The following VSNL1 variants were observed in gnomAD, a reference collection of about 807,000 sequenced individuals.
VSNL1 encodes visinin-like protein 1.
VSNL1 carries 6 observed loss-of-function variants against 20.4 expected under a neutral mutation model. The ratio of observed to expected loss-of-function variants is 0.29; its 90% CI spans 0.16 to 0.58. The LOEUF is 0.58. Among genes scored for constraint, VSNL1 ranks in the 20% least tolerant of loss-of-function variants. The pLI is 0.90. For missense variants in VSNL1, 100 were observed against 234.5 expected, an observed-to-expected ratio of 0.43 and a Z score of 3.75; for synonymous variants, 93 against 86.4, an observed-to-expected ratio of 1.08 and a Z score of -0.42.
intron 2 of VSNL1, among the ~76,000 whole-genome samples, chr2:17,642,926 G>A (rs763372242): frequency 6.6e-6 from 1 of 151,982 alleles, no homozygotes; most frequent in Non-Finnish European, 1.5e-5. Flanking sequence ...AGTGATGATA[G>A]AAAATGGAAG....
chr2:17,646,336 G>C (rs1665995618), intron 2 of VSNL1, among the ~76,000 whole-genome samples: 1 of 152,210 alleles, frequency 6.6e-6, no homozygotes, highest in South Asian at 2.1e-4. Flanking sequence ...CAACACATTT[G>C]GTTGCTTCAT....
At chr2:17,557,090 G>A (rs1663701010) in intron 1 of VSNL1, among the ~76,000 whole-genome samples, 1 of 151,934 alleles carries the variant, frequency 6.6e-6, no homozygotes, top group Non-Finnish European at 1.5e-5. Context: ...CAAGGACTCT[G>A]CCAAGCGCTT....
chr2:17,568,953 G>A (rs1664018768), intron 1 of VSNL1, among the ~76,000 whole-genome samples: 1 of 152,074 alleles, frequency 6.6e-6, no homozygotes, highest in East Asian at 1.9e-4. Flanking sequence ...CTTCCTGTAA[G>A]TTAACCAAAA....
chr2:17,627,005 T>C (rs1288417674), intron 2 of VSNL1, among the ~76,000 whole-genome samples: 1 of 152,206 alleles, frequency 6.6e-6, no homozygotes, highest in African/African-American at 2.4e-5. Flanking sequence ...AAAGGACTAT[T>C]TTGTCTAAAA....
At chr2:17,540,667 A>C (rs2103330301), upstream of VSNL1, 1 of 152,802 alleles carries the variant, frequency 6.5e-6, no homozygotes, top group South Asian at 2.1e-4. Context: ...ATCCAGCTCC[A>C]GGGACCCTAG....
intron 1 of VSNL1, among the ~76,000 whole-genome samples, chr2:17,570,621 A>C (rs778564293): frequency 6.6e-6 from 1 of 152,208 alleles, no homozygotes; most frequent in Non-Finnish European, 1.5e-5. Context: ...AGCATCTCCT[A>C]TATCAGCCAC....
At chr2:17,650,360 C>T (rs1336618797) in intron 3 of VSNL1, among the ~76,000 whole-genome samples, 2 of 152,234 alleles carry the variant, frequency 1.3e-5, no homozygotes, top group Non-Finnish European at 2.9e-5. Context: ...TCTGTCCCTG[C>T]CCCAGATTAA....
intron 2 of VSNL1, among the ~76,000 whole-genome samples, chr2:17,622,637 T>C (rs1665413579): frequency 6.6e-6 from 1 of 151,384 alleles, no homozygotes; most frequent in African/African-American, 2.4e-5. Flanking sequence ...CCTAGTAATG[T>C]TGCAGCACTT....
At chr2:17,582,183 G>A (rs1296015645) in intron 1 of VSNL1, among the ~76,000 whole-genome samples, 1 of 152,120 alleles carries the variant, frequency 6.6e-6, no homozygotes, top group Non-Finnish European at 1.5e-5. Context: ...TAGCATAGGT[G>A]AGAACATGGG....
chr2:17,586,493 C>T (rs62132083), intron 1 of VSNL1, among the ~76,000 whole-genome samples: 14,812 of 152,166 alleles, frequency 0.097, 1,032 homozygotes, highest in African/African-American at 0.19. Context: ...GTCTGTTTGT[C>T]TATCCTCTGT....
chr2:17,618,666 A>G (rs1665277853), intron 2 of VSNL1, among the ~76,000 whole-genome samples: 1 of 152,164 alleles, frequency 6.6e-6, no homozygotes, highest in African/African-American at 2.4e-5. Flanking sequence ...CCATTATTGT[A>G]AGAGTAATAA....
At chr2:17,544,932 A>G (rs1019970918) in intron 1 of VSNL1, among the ~76,000 whole-genome samples, 1 of 152,186 alleles carries the variant, frequency 6.6e-6, no homozygotes, top group Admixed American at 6.5e-5. Context: ...AATAGAACAT[A>G]TGAGCTGGAC....
At chr2:17,644,019 C>T (rs1043597007) in intron 2 of VSNL1, among the ~76,000 whole-genome samples, 3 of 152,110 alleles carry the variant, frequency 2.0e-5, no homozygotes, top group South Asian at 4.1e-4. Flanking sequence ...ATGCTATTGT[C>T]GGGTGTGGGA....
chr2:17,594,331 T>C (rs1664665409), intron 2 of VSNL1, among the ~76,000 whole-genome samples: 1 of 152,146 alleles, frequency 6.6e-6, no homozygotes, highest in Non-Finnish European at 1.5e-5. Context: ...TACTCTTATA[T>C]CAAATAGAAA....
intron 1 of VSNL1, among the ~76,000 whole-genome samples, chr2:17,565,169 A>G (rs73919093): frequency 0.011 from 1,731 of 152,300 alleles, 19 homozygotes; most frequent in African/African-American, 0.029. Context: ...AATCTTCAAC[A>G]TTGTAAAGTA....
chr2:17,649,429 C>T lies in VSNL1; in HGVS notation c.182C>T (p.Ala61Val). Residue 61 changes from alanine (A) to valine (V), a missense_variant, in exon 3 of 4, where the codon GCC becomes GTC. Physicochemically the swap from Ala to Val is moderately conservative, Grantham distance 64. Transcript: ENST00000295156. The surrounding 1 kb of genome is among the most constrained non-coding windows in gnomAD (Gnocchi z 6.4). Reference sequence around the variant, plus strand: ...TTGCAGTTCTTTCCTTATGGAGACGCCTCCAAGTTTGCCCAGCATGCCTTC... The same window carrying T: ...TTGCAGTTCTTTCCTTATGGAGACGTCTCCAAGTTTGCCCAGCATGCCTTC... ...LYVKFFPYGDASKFAQHAFRT... is the reference protein window; with the variant it reads ...LYVKFFPYGDVSKFAQHAFRT... 6.2e-7 allele frequency: 1 copy of T among 1,614,210 alleles called. No homozygotes were observed. Among genetic ancestry groups the T allele is most frequent in the Non-Finnish European group, 8.5e-7 (1 of 1,180,040 alleles).
At chr2:17,580,178 A>G (rs982459841) in intron 1 of VSNL1, among the ~76,000 whole-genome samples, 12 of 152,228 alleles carry the variant, frequency 7.9e-5, no homozygotes, top group African/African-American at 2.9e-4. Flanking sequence ...AATTCAAAAA[A>G]TAGAAAATTC....
chr2:17,588,950 T>A (rs1572350370), intron 1 of VSNL1, among the ~76,000 whole-genome samples: 1 of 152,140 alleles, frequency 6.6e-6, no homozygotes, highest in Admixed American at 6.5e-5. Flanking sequence ...GAGGCAAAAA[T>A]AAATAAATAA....
At chr2:17,617,296 A>G (rs1253134826) in intron 2 of VSNL1, among the ~76,000 whole-genome samples, 2 of 152,180 alleles carry the variant, frequency 1.3e-5, no homozygotes, top group Non-Finnish European at 2.9e-5. Context: ...GGAGTTCAAG[A>G]TCAGCCTGGC....
Sources: gnomAD v4.1 joint callset for allele counts (sites outside exome capture counted in the v4.1 genomes callset) on GRCh38, gnomAD v4.1.1 for gene constraint, Gnocchi (gnomAD v3.1) non-coding constraint, MANE v1.5 for transcripts, NCBI Gene and HGNC (gene_info 2026-07-23, HGNC 2026-07-21) for gene names.